The following KIAA1217 variants were observed in gnomAD, a reference collection of about 807,000 sequenced individuals.
KIAA1217 encodes the protein KIAA1217.
KIAA1217 carries 88 observed loss-of-function variants against 163.9 expected under a neutral mutation model. That is an observed-to-expected ratio of 0.54 (90% CI 0.45 to 0.64). The LOEUF is 0.64. KIAA1217 is among the 30% of genes least tolerant of loss of function. The pLI, the probability that KIAA1217 is intolerant of heterozygous loss-of-function variation, is 0.00. For missense variants in KIAA1217, 2,372 were observed against 2,475.0 expected, an observed-to-expected ratio of 0.96 and a Z score of 0.88; for synonymous variants, 903 against 923.1, an observed-to-expected ratio of 0.98 and a Z score of 0.39.
In KIAA1217 at chr10:23,695,671, G is replaced by C. The variant is rs1048738621; in HGVS notation, c.-321+437G>C. 6.6e-6 allele frequency among the ~76,000 whole-genome samples: 1 copy of C among 152,184 alleles called. No homozygotes were observed. Among genetic ancestry groups the C allele is most frequent in the Non-Finnish European group, 1.5e-5 (1 of 68,032 alleles). The stretch of plus-strand genomic sequence containing the variant: ...AGGGCATTGCTCTTTCTGATGGCTG[G>C]AAGACAGGGGCAAGGAGAGAGAGAA... On this transcript the variant is annotated intron_variant, in intron 1 of 18. Transcript: ENST00000376462. This position sits in a 1 kb window ranked among gnomAD's most constrained non-coding sequence, Gnocchi z 4.9.
intron 1 of KIAA1217, among the ~76,000 whole-genome samples, chr10:23,766,388 C>T (rs555220349): frequency 1.4e-4 from 21 of 152,298 alleles, no homozygotes; most frequent in South Asian, 4.1e-4. Context: ...GTGGGCACCA[C>T]TTAACAGCAA....
At chr10:24,287,233 T>C (rs1027059975) in intron 2 of KIAA1217, among the ~76,000 whole-genome samples, 1 of 152,168 alleles carries the variant, frequency 6.6e-6, no homozygotes, top group Non-Finnish European at 1.5e-5. Flanking sequence ...GTATTTCTAG[T>C]AGAGACAGGG....
chr10:24,458,520 G>T (rs540555376), intron 5 of KIAA1217, among the ~76,000 whole-genome samples: 7 of 152,194 alleles, frequency 4.6e-5, no homozygotes, highest in Admixed American at 4.6e-4. Context: ...CCTTTGAAGA[G>T]GATTCAAAGG....
At chr10:24,528,577 C>T (rs1283083145) in intron 14 of KIAA1217, among the ~76,000 whole-genome samples, 2 of 152,126 alleles carry the variant, frequency 1.3e-5, no homozygotes, top group African/African-American at 4.8e-5. Flanking sequence ...AATCCTCCCA[C>T]CTTAGCTTCC....
At chr10:24,512,319 A>T (rs1254243211) in intron 9 of KIAA1217, among the ~76,000 whole-genome samples, 1 of 152,172 alleles carries the variant, frequency 6.6e-6, no homozygotes, top group African/African-American at 2.4e-5. Flanking sequence ...GTTAAATGAT[A>T]TTTCAGTGGA....
At chr10:23,752,193 A>T (rs1476967752) in intron 1 of KIAA1217, among the ~76,000 whole-genome samples, 1 of 152,260 alleles carries the variant, frequency 6.6e-6, no homozygotes, top group Non-Finnish European at 1.5e-5. Context: ...ATTTTCATCA[A>T]TTCCTAGAAT....
chr10:24,127,805 T>C (rs1379496071), intron 2 of KIAA1217, among the ~76,000 whole-genome samples: 1 of 152,216 alleles, frequency 6.6e-6, no homozygotes, highest in Non-Finnish European at 1.5e-5. Flanking sequence ...CATGACATAT[T>C]TCACAATACC....
intron 2 of KIAA1217, among the ~76,000 whole-genome samples, chr10:24,202,800 T>C (rs2067334031): frequency 6.6e-6 from 1 of 152,202 alleles, no homozygotes. Context: ...TAAATATCTA[T>C]GGCCGAACTG....
chr10:23,694,964 C>G (rs1289379721), exon 1 of KIAA1217: 1 of 152,224 alleles, frequency 6.6e-6, no homozygotes, highest in Non-Finnish European at 1.5e-5. Flanking sequence ...AGAAACGACC[C>G]GGCGGAGGAG....
chr10:23,995,468 G>C (rs955382900), intron 1 of KIAA1217, among the ~76,000 whole-genome samples: 1 of 151,774 alleles, frequency 6.6e-6, no homozygotes, highest in African/African-American at 2.4e-5. Flanking sequence ...GTGTGTGTGT[G>C]TGTGTGTGTG....
At chr10:24,177,022 C>A (rs369361348) in intron 2 of KIAA1217, among the ~76,000 whole-genome samples, 1 of 151,738 alleles carries the variant, frequency 6.6e-6, no homozygotes, top group Non-Finnish European at 1.5e-5. Flanking sequence ...GCTCCGAGTG[C>A]GGGGCCTGCT....
intron 8 of KIAA1217, among the ~76,000 whole-genome samples, chr10:24,499,218 C>A (rs766948747): frequency 9.2e-5 from 14 of 152,212 alleles, no homozygotes; most frequent in Non-Finnish European, 1.6e-4. Flanking sequence ...GTCAGAATCA[C>A]TGACATTGGA....
At chr10:24,504,336 T>G (rs1328556048) in intron 9 of KIAA1217, among the ~76,000 whole-genome samples, 2 of 152,196 alleles carry the variant, frequency 1.3e-5, no homozygotes, top group African/African-American at 4.8e-5. Context: ...AAGCGCAGAC[T>G]CGCAGGGAAA....
At chr10:24,010,478 CTT>C (rs34076735) in intron 2 of KIAA1217, among the ~76,000 whole-genome samples, 3 of 145,326 alleles carry the variant, frequency 2.1e-5, no homozygotes, top group Non-Finnish European at 3.0e-5. Flanking sequence ...CTGATCGATC[CTT>C]TTTTTTTTTT....
At chr10:23,882,439 CAGAG>C (rs1840991427) in intron 1 of KIAA1217, among the ~76,000 whole-genome samples, 1 of 151,886 alleles carries the variant, frequency 6.6e-6, no homozygotes, top group African/African-American at 2.4e-5. Context: ...GGGAACTTGA[CAGAG>C]AGGCTAATAT....
intron 11 of KIAA1217, 52 bp from the exon 12 acceptor site, chr10:24,521,730 T>C (rs2071321765): frequency 4.4e-6 from 7 of 1,581,494 alleles, no homozygotes; most frequent in Non-Finnish European, 5.1e-6. Context: ...GGGATGAGGG[T>C]TGTCGTTCTG....
intron 1 of KIAA1217, among the ~76,000 whole-genome samples, chr10:24,215,210 C>T (rs978957761): frequency 4.6e-5 from 7 of 152,158 alleles, no homozygotes; most frequent in African/African-American, 1.7e-4. Context: ...AGGGATTTTG[C>T]TCGGCTTTAA....
intron 2 of KIAA1217, among the ~76,000 whole-genome samples, chr10:24,313,535 G>A (rs1213788653): frequency 3.9e-5 from 6 of 152,112 alleles, no homozygotes; most frequent in Non-Finnish European, 7.3e-5. Context: ...CGGGGTTAGC[G>A]CCAGATGGAG....
intron 2 of KIAA1217, among the ~76,000 whole-genome samples, chr10:24,221,911 C>G (rs1485184486): frequency 6.6e-6 from 1 of 152,112 alleles, no homozygotes; most frequent in Non-Finnish European, 1.5e-5. Context: ...GTGGCACACA[C>G]CTGTAGTCCC....
Sources: gnomAD v4.1 joint callset for allele counts (sites outside exome capture counted in the v4.1 genomes callset) on GRCh38, gnomAD v4.1.1 for gene constraint, Gnocchi (gnomAD v3.1) non-coding constraint, MANE v1.5 for transcripts, NCBI Gene and HGNC (gene_info 2026-07-23, HGNC 2026-07-21) for gene names.